Variants in SOX5 observed in about 807,000 individuals in gnomAD.
The protein encoded by SOX5 is SRY-box transcription factor 5, also known as transcription factor SOX-5.
SOX5 carries 9 observed loss-of-function variants against 92.0 expected under a neutral mutation model. The ratio of observed to expected loss-of-function variants is 0.10; its 90% CI spans 0.06 to 0.17. SOX5 has a LOEUF of 0.17. Ranked by LOEUF, SOX5 falls within the 10% of genes least tolerant of loss-of-function variation. The probability of loss-of-function intolerance (pLI) is 1.00; values close to 1 mark genes in which losing one functional copy is unlikely to be tolerated. For synonymous variants in SOX5, 344 were observed against 336.3 expected, an observed-to-expected ratio of 1.02 and a Z score of -0.25; for missense variants, 642 against 944.5, an observed-to-expected ratio of 0.68 and a Z score of 4.20.
intron 6 of SOX5, among the ~76,000 whole-genome samples, chr12:23,713,908 A>G (rs11047059): frequency 0.079 from 11,881 of 151,312 alleles, 661 homozygotes; most frequent in Non-Finnish European, 0.12. Flanking sequence ...CCTGGCCAAC[A>G]TGGCGAAACC....
rs567462266 is a variant in SOX5 at position 24,322,127 on chromosome 12, C to T, written c.-173-44815G>A. 2.6e-5 allele frequency among the ~76,000 whole-genome samples: 4 copies of T among 152,134 alleles called. No homozygotes were observed. The South Asian group carries it at 6.2e-4, about 24-fold the overall frequency. ...TAAACAGCAGTGAGATCAAATTCAT[C>T]GTTCAATTTCTAAAGCTGTTTATTA... On this transcript the variant is annotated intron_variant, in intron 2 of 4. Transcript: ENST00000446891.
chr12:23,979,899 GGCTGGCTGGCTGGCCA>G, intron 4 of SOX5, among the ~76,000 whole-genome samples: 1 of 139,386 alleles, frequency 7.2e-6, no homozygotes, highest in South Asian at 2.5e-4. Flanking sequence ...CTGGCTGGCT[GGCTGGCTGGCTGGCCA>G]GACAGACAGA....
chr12:24,239,248 G>C (rs1018813963), intron 3 of SOX5, among the ~76,000 whole-genome samples: 3 of 152,124 alleles, frequency 2.0e-5, no homozygotes, highest in Admixed American at 2.0e-4. Context: ...ATTTACAAAC[G>C]CTTAGAGTAT....
chr12:23,945,455 C>T (rs1944424955), intron 1 of SOX5, among the ~76,000 whole-genome samples: 1 of 152,102 alleles, frequency 6.6e-6, no homozygotes, highest in Non-Finnish European at 1.5e-5. Flanking sequence ...CTTAATTGTT[C>T]CTGGTAATCA....
chr12:23,541,077 C>T (rs995466537), intron 13 of SOX5, among the ~76,000 whole-genome samples: 2 of 152,132 alleles, frequency 1.3e-5, no homozygotes, highest in African/African-American at 4.8e-5. Context: ...ATCAGAAAGA[C>T]TGAAATTAGG....
intron 2 of SOX5, among the ~76,000 whole-genome samples, chr12:24,279,347 G>A (rs1410312859): frequency 6.6e-6 from 1 of 152,068 alleles, no homozygotes; most frequent in African/African-American, 2.4e-5. Context: ...CATTAGGTGT[G>A]TGAAATTGAC....
At chr12:24,418,553 C>T (rs1233293578) in intron 1 of SOX5, among the ~76,000 whole-genome samples, 1 of 152,182 alleles carries the variant, frequency 6.6e-6, no homozygotes, top group Non-Finnish European at 1.5e-5. Context: ...AGACCTGGAA[C>T]TGCAGATGCT....
At chr12:24,232,051 CT>C (rs1963505558) in intron 3 of SOX5, among the ~76,000 whole-genome samples, 1 of 152,116 alleles carries the variant, frequency 6.6e-6, no homozygotes, top group South Asian at 2.1e-4. Flanking sequence ...GGAACAATCA[CT>C]TTCTAAAATC....
At chr12:24,406,107 G>A (rs777197721) in intron 1 of SOX5, among the ~76,000 whole-genome samples, 5 of 152,152 alleles carry the variant, frequency 3.3e-5, no homozygotes, top group Non-Finnish European at 5.9e-5. Context: ...AGAAGTGCCC[G>A]CAGCCTCTCC....
At chr12:24,033,529 AG>A (rs1341088470) in intron 4 of SOX5, among the ~76,000 whole-genome samples, 1 of 152,022 alleles carries the variant, frequency 6.6e-6, no homozygotes, top group African/African-American at 2.4e-5. Context: ...AGCATCAAAA[AG>A]TTCCATTTTG....
chr12:23,923,894 T>A (rs1939187122), intron 1 of SOX5, among the ~76,000 whole-genome samples: 1 of 152,204 alleles, frequency 6.6e-6, no homozygotes, highest in African/African-American at 2.4e-5. Context: ...TTATATAACC[T>A]TCTTTAATCT....
chr12:23,810,637 G>A (rs369761449), intron 3 of SOX5, among the ~76,000 whole-genome samples: 17 of 152,298 alleles, frequency 1.1e-4, no homozygotes, highest in African/African-American at 3.6e-4. Context: ...GGACAGAGGG[G>A]CTTCAGAGGA....
intron 6 of SOX5, among the ~76,000 whole-genome samples, chr12:23,719,942 T>C (rs1192907787): frequency 6.6e-6 from 1 of 151,880 alleles, no homozygotes; most frequent in East Asian, 1.9e-4. Flanking sequence ...TAAGAGACAG[T>C]GTAAAAGAGA....
intron 6 of SOX5, among the ~76,000 whole-genome samples, chr12:23,721,380 T>A (rs1350395073): frequency 6.6e-6 from 1 of 152,136 alleles, no homozygotes; most frequent in Admixed American, 6.5e-5. Context: ...CCACCGTGCC[T>A]GGCCTATATT....
intron 4 of SOX5, among the ~76,000 whole-genome samples, chr12:23,965,120 A>C (rs1947395081): frequency 6.6e-6 from 1 of 152,086 alleles, no homozygotes; most frequent in Non-Finnish European, 1.5e-5. Context: ...TTCTCTATGC[A>C]CCCTAGCAGG....
At chr12:24,131,363 T>C (rs1452397935) in intron 4 of SOX5, among the ~76,000 whole-genome samples, 2 of 152,176 alleles carry the variant, frequency 1.3e-5, no homozygotes, top group African/African-American at 4.8e-5. Context: ...TTTACTTCTG[T>C]GACATGATTT....
At chr12:24,263,548 A>AAC (rs1269753718) in intron 3 of SOX5, among the ~76,000 whole-genome samples, 2 of 144,286 alleles carry the variant, frequency 1.4e-5, no homozygotes, top group East Asian at 2.0e-4. Context: ...AAACAAAAAA[A>AAC]AAAACAAAAA....
At chr12:24,255,669 G>GA (rs988525411) in intron 3 of SOX5, among the ~76,000 whole-genome samples, 7 of 151,722 alleles carry the variant, frequency 4.6e-5, no homozygotes, top group South Asian at 2.1e-4. Flanking sequence ...TCTCGACTCG[G>GA]AAAAAAAATG....
intron 3 of SOX5, among the ~76,000 whole-genome samples, chr12:23,782,099 C>G (rs1567715756): frequency 1.3e-5 from 2 of 151,882 alleles, no homozygotes; most frequent in Non-Finnish European, 2.9e-5. Flanking sequence ...CTAATATCCA[C>G]TAGTATATTA....
Sources: allele counts gnomAD v4.1 joint callset (sites outside exome capture counted in the v4.1 genomes callset), GRCh38; gene constraint gnomAD v4.1.1; transcripts MANE v1.5; gene names NCBI Gene and HGNC (gene_info 2026-07-23, HGNC 2026-07-21).